Variants in EYS observed in about 807,000 individuals in gnomAD.
The protein encoded by EYS is protein eyes shut homolog.
Under a neutral mutation model 282.1 loss-of-function variants are expected in EYS, and 250 were observed. That is an observed-to-expected ratio of 0.89 (90% CI 0.80 to 0.98). The LOEUF (loss-of-function observed/expected upper bound fraction) is 0.98, where lower values mean the gene tolerates loss of function less well. Among genes scored for constraint, EYS ranks in the 50% least tolerant of loss-of-function variants. The probability of loss-of-function intolerance (pLI) is 0.00; values close to 1 mark genes in which losing one functional copy is unlikely to be tolerated. For missense variants in EYS, 4,016 were observed against 3,709.0 expected (o/e 1.08, Z -2.15); for synonymous variants, 1,355 against 1,282.9 (o/e 1.06, Z -1.20).
At chr6:65,427,413 T>TCTAA (rs1445544854) in intron 5 of EYS, among the ~76,000 whole-genome samples, 2 of 152,010 alleles carry the variant, frequency 1.3e-5, no homozygotes, top group Non-Finnish European at 2.9e-5. Context: ...GCATTGACTA[T>TCTAA]CTCATGTTAG....
intron 14 of EYS, among the ~76,000 whole-genome samples, chr6:64,958,569 A>T (rs930929719): frequency 2.0e-5 from 3 of 151,560 alleles, no homozygotes; most frequent in African/African-American, 2.4e-5. Context: ...CCCCGTCTCT[A>T]CTAAAAATAC....
chr6:64,968,169 T>G (rs1188130962), intron 14 of EYS, among the ~76,000 whole-genome samples: 2 of 152,094 alleles, frequency 1.3e-5, no homozygotes, highest in Admixed American at 6.5e-5. Context: ...GAAATTAACT[T>G]CGATTTTTAA....
intron 26 of EYS, among the ~76,000 whole-genome samples, chr6:64,482,076 T>C (rs1776451983): frequency 6.6e-6 from 1 of 151,810 alleles, no homozygotes; most frequent in South Asian, 2.1e-4. Flanking sequence ...ACATTTATCC[T>C]GAGGTTAACT....
At chr6:64,497,105 G>C (rs1776912699) in intron 26 of EYS, among the ~76,000 whole-genome samples, 1 of 152,058 alleles carries the variant, frequency 6.6e-6, no homozygotes, top group African/African-American at 2.4e-5. Context: ...AGAAACCATA[G>C]GAGATGTAGT....
chr6:63,979,816 G>C (rs573913294), intron 35 of EYS, among the ~76,000 whole-genome samples: 1 of 152,008 alleles, frequency 6.6e-6, no homozygotes, highest in East Asian at 1.9e-4. Context: ...ACAGGGGTTT[G>C]AAAATTCTAG....
intron 30 of EYS, among the ~76,000 whole-genome samples, chr6:64,242,616 C>A (rs1315899501): frequency 2.6e-5 from 4 of 151,696 alleles, no homozygotes; most frequent in Non-Finnish European, 5.9e-5. Flanking sequence ...TCAAAGTATT[C>A]ATTTTCTATT....
chr6:65,150,266 CT>C (rs1764581211), intron 12 of EYS, among the ~76,000 whole-genome samples: 1 of 151,648 alleles, frequency 6.6e-6, no homozygotes, highest in African/African-American at 2.4e-5. Context: ...TTTTTTTCCC[CT>C]TTTTTCTTTT....
intron 15 of EYS, among the ~76,000 whole-genome samples, chr6:64,943,288 C>A (rs1769160836): frequency 1.3e-5 from 2 of 152,070 alleles, no homozygotes; most frequent in Admixed American, 6.6e-5. Context: ...CCCTGGAGGA[C>A]TGGAACAAGC....
chr6:65,217,334 C>T (rs1410338959), intron 12 of EYS, among the ~76,000 whole-genome samples: 5 of 151,770 alleles, frequency 3.3e-5, no homozygotes, highest in Admixed American at 2.6e-4. Context: ...TCATTTCATT[C>T]CATGAAGATG....
rs186463872 is a variant in EYS at position 65,529,395 on chromosome 6, T to C, written c.-332-33402A>G. Among the ~76,000 whole-genome samples, 251 of 152,284 alleles carry C rather than the reference T, an allele frequency of 1.6e-3. 1 individual carries two copies. The highest frequency in any genetic ancestry group is 3.0e-3 in the Non-Finnish European group (203 of 68,030). On this transcript the variant is annotated intron_variant, in intron 2 of 42. Transcript: ENST00000503581. ...TTACCAAAGAATGTGAAGAAAGATCTGGCTTCCCAGAAGCTGCTTAAGATA... is the reference window on the plus strand; with the variant it reads ...TTACCAAAGAATGTGAAGAAAGATCCGGCTTCCCAGAAGCTGCTTAAGATA...
chr6:63,936,744 G>A lies in EYS; in HGVS notation c.7055+47639C>T, dbSNP rs139261483. Among the ~76,000 whole-genome samples the A allele has an allele frequency of 4.5e-3, 681 of 152,296 alleles. 6 individuals are homozygous for A. Among genetic ancestry groups the A allele is most frequent in the African/African-American group, 0.016 (645 of 41,544 alleles). ...CTAAAAACATCAACAAGCTTTTAAT[G>A]CTACTAACAATCTACAAAAATATTC... On this transcript the variant is annotated intron_variant, in intron 35 of 42. Coordinates refer to ENST00000503581, the MANE Select transcript of EYS (RefSeq NM_001142800.2).
intron 2 of EYS, among the ~76,000 whole-genome samples, chr6:65,624,186 CA>C (rs1343287248): frequency 6.6e-6 from 1 of 152,142 alleles, no homozygotes; most frequent in Non-Finnish European, 1.5e-5. Context: ...CAAACTTATA[CA>C]AAAGCAATAA....
intron 31 of EYS, among the ~76,000 whole-genome samples, chr6:64,167,868 C>A (rs547878628): frequency 1.1e-4 from 17 of 152,168 alleles, no homozygotes; most frequent in Non-Finnish European, 1.9e-4. Context: ...ATATGAGCGG[C>A]ATTATGTACA....
intron 2 of EYS, among the ~76,000 whole-genome samples, chr6:65,577,673 AC>A (rs1176277274): frequency 2.0e-5 from 3 of 151,638 alleles, no homozygotes; most frequent in Non-Finnish European, 4.4e-5. Flanking sequence ...AGTAAACCAT[AC>A]ATCTGATAAG....
At chr6:64,689,094 A>C (rs935134836) in intron 22 of EYS, among the ~76,000 whole-genome samples, 11 of 152,160 alleles carry the variant, frequency 7.2e-5, no homozygotes, top group Admixed American at 2.6e-4. Flanking sequence ...CCCAAAATCT[A>C]CTTAAGCTGA....
chr6:64,384,476 T>C (rs1201753017), intron 29 of EYS, among the ~76,000 whole-genome samples: 1 of 152,228 alleles, frequency 6.6e-6, no homozygotes, highest in Admixed American at 6.6e-5. Flanking sequence ...CTAGAACTTA[T>C]AATATCAACT....
chr6:65,209,424 TATCCCCCACTTAATG>T (rs1296831718), intron 12 of EYS, among the ~76,000 whole-genome samples: 3 of 151,862 alleles, frequency 2.0e-5, no homozygotes, highest in Non-Finnish European at 4.4e-5. Flanking sequence ...ATACCATTTT[TATCCCCCACTTAATG>T]ATCCCCCACT....
At chr6:64,903,305 AC>A in intron 16 of EYS, among the ~76,000 whole-genome samples, 1 of 152,302 alleles carries the variant, frequency 6.6e-6, no homozygotes, top group East Asian at 1.9e-4. Flanking sequence ...ATTACCAAGC[AC>A]TAAATAAGTG....
chr6:64,065,246 AT>A (rs998440389), intron 33 of EYS, among the ~76,000 whole-genome samples: 5 of 152,190 alleles, frequency 3.3e-5, no homozygotes, highest in African/African-American at 1.2e-4. Flanking sequence ...AGTTTATTTG[AT>A]TTATATAAAC....
Sources: allele counts gnomAD v4.1 joint callset (sites outside exome capture counted in the v4.1 genomes callset), GRCh38; gene constraint gnomAD v4.1.1; transcripts MANE v1.5; gene names NCBI Gene and HGNC (gene_info 2026-07-23, HGNC 2026-07-21).